EYS: variants seen among roughly 807,000 people sequenced by gnomAD.
EYS encodes protein eyes shut homolog.
EYS carries 250 observed loss-of-function variants against 282.1 expected under a neutral mutation model. The observed-to-expected ratio is 0.89, with a 90% CI of 0.80 to 0.98. EYS has a LOEUF of 0.98. Ranked by LOEUF, EYS falls within the 50% of genes least tolerant of loss-of-function variation. The pLI, the probability that EYS is intolerant of heterozygous loss-of-function variation, is 0.00. For missense variants in EYS, 4,016 were observed against 3,709.0 expected, an observed-to-expected ratio of 1.08 and a Z score of -2.15; for synonymous variants, 1,355 against 1,282.9, an observed-to-expected ratio of 1.06 and a Z score of -1.20.
In EYS at chr6:64,230,635, T is replaced by C. The variant is rs374933460; in HGVS notation, c.6381A>G (p.Gln2127=). 1.7e-5 allele frequency: 26 copies of C among 1,551,388 alleles called. No homozygotes were observed. Among genetic ancestry groups the C allele is most frequent in the African/African-American group, 1.1e-4 (8 of 73,038 alleles). Reference sequence around the variant, plus strand: ...CAGTGAAATGTAGTGGACAGTCACATTGGAATGACACTATGCCACTGGAGA... The same window carrying C: ...CAGTGAAATGTAGTGGACAGTCACACTGGAATGACACTATGCCACTGGAGA... ...IFLSSGIVSF[Q]CDCPLHFTGR... Residue 2127 remains glutamine (Q), a synonymous_variant, in exon 31 of 43, where the codon CAA becomes CAG. Coordinates refer to ENST00000503581, the MANE Select transcript of EYS (RefSeq NM_001142800.2).
intron 30 of EYS, among the ~76,000 whole-genome samples, chr6:64,253,380 TGTAA>T (rs1362227125): frequency 2.0e-5 from 3 of 151,936 alleles, no homozygotes; most frequent in Admixed American, 6.6e-5. Context: ...CAGATTTAAA[TGTAA>T]GTGTTTGAAA....
Position 64,133,515 on chromosome 6 carries a change from C to G in EYS, c.6425-51513G>C, listed in dbSNP as rs181606113. 6.3e-3 allele frequency among the ~76,000 whole-genome samples: 949 copies of G among 149,610 alleles called. 4 individuals carry two copies. Among genetic ancestry groups the G allele is most frequent in the Non-Finnish European group, 9.6e-3 (646 of 67,472 alleles). On this transcript the variant is annotated intron_variant, in intron 31 of 42. Coordinates refer to ENST00000503581, the MANE Select transcript of EYS (RefSeq NM_001142800.2). ...ACACACACACACACACACACACACA[C>G]AGAGAAATCCATTTGTATTGGTTTA...
chr6:64,524,342 T>C (rs191875460), intron 26 of EYS, among the ~76,000 whole-genome samples: 3 of 151,920 alleles, frequency 2.0e-5, no homozygotes, highest in Admixed American at 6.6e-5. Flanking sequence ...AAATGTCTTA[T>C]AAATTTGTTT....
Position 65,371,151 on chromosome 6 carries a change from G to A in EYS, c.1299+13235C>T, listed in dbSNP as rs540297576. 7.9e-5 allele frequency among the ~76,000 whole-genome samples: 12 copies of A among 151,704 alleles called. 1 individual carries two copies. Among genetic ancestry groups the A allele is most frequent in the Admixed American group, 4.7e-4 (7 of 15,036 alleles). ...TTTAAGACAAATGATGGTGGCCTCT[G>A]TATGAAACACACAGACTCCTTTTTC... On this transcript the variant is annotated intron_variant, in intron 8 of 42. Transcript: ENST00000503581.
chr6:65,476,865 G>A (rs1765428154), intron 5 of EYS, among the ~76,000 whole-genome samples: 1 of 152,132 alleles, frequency 6.6e-6, no homozygotes, highest in Non-Finnish European at 1.5e-5. Flanking sequence ...ATGAGCCACA[G>A]TAGCCAGCCT....
intron 23 of EYS, among the ~76,000 whole-genome samples, chr6:64,618,756 C>G (rs754811994): frequency 6.6e-6 from 1 of 152,120 alleles, no homozygotes; most frequent in East Asian, 1.9e-4. Flanking sequence ...AAGACTCTTT[C>G]CACTTTGCAA....
At chr6:63,770,165 T>A (rs1427966352) in intron 40 of EYS, among the ~76,000 whole-genome samples, 2 of 152,054 alleles carry the variant, frequency 1.3e-5, no homozygotes, top group Admixed American at 1.3e-4. Context: ...TAGTACTTAA[T>A]CAAAGTTTAA....
chr6:64,646,080 G>A (rs1404497825), intron 22 of EYS, among the ~76,000 whole-genome samples: 1 of 152,160 alleles, frequency 6.6e-6, no homozygotes, highest in African/African-American at 2.4e-5. Context: ...TAAATTCTCA[G>A]GGTAGCTACA....
rs1371127670 is a variant in EYS, at chr6:65,587,091, G to A, written c.-333+52687C>T. Reference sequence around the variant, plus strand: ...CCATATTTTAGGCTACCATTGAGAAGATGTTTCTCTAAGCAACATTTGATA... The same window carrying A: ...CCATATTTTAGGCTACCATTGAGAAAATGTTTCTCTAAGCAACATTTGATA... On this transcript the variant is annotated intron_variant, in intron 2 of 42. Transcript: ENST00000503581. Among the ~76,000 whole-genome samples the A allele has an allele frequency of 1.8e-4, 28 of 152,132 alleles. No individual in the cohort carries two copies. In the East Asian group the frequency reaches 4.8e-3, roughly 26 times the overall value.
chr6:64,390,413 G>T (rs998363901), intron 28 of EYS, among the ~76,000 whole-genome samples: 4 of 152,140 alleles, frequency 2.6e-5, no homozygotes, highest in South Asian at 4.2e-4. Context: ...CTCCCAGCAC[G>T]CAGCTGGAGA....
intron 29 of EYS, among the ~76,000 whole-genome samples, chr6:64,341,551 G>A (rs1244091942): frequency 6.6e-6 from 1 of 151,680 alleles, no homozygotes; most frequent in Non-Finnish European, 1.5e-5. Flanking sequence ...AGAGGGAGGA[G>A]GATGAGAGGA....
intron 30 of EYS, among the ~76,000 whole-genome samples, chr6:64,270,107 C>A (rs1423762659): frequency 6.6e-6 from 1 of 152,008 alleles, no homozygotes; most frequent in African/African-American, 2.4e-5. Flanking sequence ...TAGTATTTAT[C>A]GTAATTCTGG....
intron 14 of EYS, among the ~76,000 whole-genome samples, chr6:64,983,535 T>C (rs1310473636): frequency 2.0e-5 from 3 of 151,304 alleles, no homozygotes; most frequent in South Asian, 2.1e-4. Flanking sequence ...TCCAACATAA[T>C]ATTTTTAAAA....
chr6:64,497,874 C>G (rs537083217), intron 26 of EYS, among the ~76,000 whole-genome samples: 1 of 152,114 alleles, frequency 6.6e-6, no homozygotes, highest in African/African-American at 2.4e-5. Context: ...ATTTTTGAGC[C>G]TGGGTGAACA....
At chr6:64,049,627 T>C (rs1770741267) in intron 33 of EYS, among the ~76,000 whole-genome samples, 1 of 152,144 alleles carries the variant, frequency 6.6e-6, no homozygotes, top group Non-Finnish European at 1.5e-5. Context: ...TTTTACAGAC[T>C]TTTGGAAAAG....
chr6:64,016,746 G>A (rs1768912007), intron 33 of EYS, among the ~76,000 whole-genome samples: 1 of 152,146 alleles, frequency 6.6e-6, no homozygotes, highest in Admixed American at 6.5e-5. Flanking sequence ...ACAGTGCTGG[G>A]ATTACAGGTG....
intron 5 of EYS, among the ~76,000 whole-genome samples, chr6:65,483,083 A>T (rs1039310606): frequency 6.6e-6 from 1 of 152,156 alleles, no homozygotes; most frequent in African/African-American, 2.4e-5. Context: ...CTTACATAAC[A>T]TTTCAAATTT....
chr6:64,983,883 A>G (rs978194327), intron 14 of EYS, among the ~76,000 whole-genome samples: 2 of 151,360 alleles, frequency 1.3e-5, no homozygotes, highest in Non-Finnish European at 3.0e-5. Flanking sequence ...ACAAGTTTAC[A>G]TGACTTTGTA....
chr6:64,441,958 C>A (rs1299168171), intron 26 of EYS, among the ~76,000 whole-genome samples: 4 of 152,220 alleles, frequency 2.6e-5, no homozygotes, highest in African/African-American at 9.6e-5. Flanking sequence ...GTGGGCACTG[C>A]TGAAAAGATA....
Sources: allele counts gnomAD v4.1 joint callset (sites outside exome capture counted in the v4.1 genomes callset), GRCh38; gene constraint gnomAD v4.1.1; transcripts MANE v1.5; gene names NCBI Gene and HGNC (gene_info 2026-07-23, HGNC 2026-07-21).